DTNB: variants seen among roughly 807,000 people sequenced by gnomAD.
The protein encoded by DTNB is dystrobrevin beta.
A neutral mutation model predicts 90.7 loss-of-function variants in DTNB; 63 were observed. The ratio of observed to expected loss-of-function variants is 0.69; its 90% CI spans 0.57 to 0.86. DTNB has a LOEUF of 0.86. Among genes scored for constraint, DTNB ranks in the 40% least tolerant of loss-of-function variants. DTNB has a pLI of 0.00. For synonymous variants in DTNB, 277 were observed against 286.7 expected (o/e 0.97, Z 0.34); for missense variants, 744 against 807.1 (o/e 0.92, Z 0.95).
intron 12 of DTNB, among the ~76,000 whole-genome samples, chr2:25,446,553 G>A (rs2058456735): frequency 6.6e-6 from 1 of 152,092 alleles, no homozygotes; most frequent in African/African-American, 2.4e-5. Flanking sequence ...ACTGTATCTG[G>A]CTTTGTTTTT....
chr2:25,523,620 G>A (rs1464830141), intron 9 of DTNB, among the ~76,000 whole-genome samples: 18 of 136,458 alleles, frequency 1.3e-4, no homozygotes, highest in East Asian at 1.1e-3. Context: ...CAGCCTGGGC[G>A]ACAGAGCAAG....
At chr2:25,635,779 C>T (rs2076996577) in intron 3 of DTNB, among the ~76,000 whole-genome samples, 1 of 152,142 alleles carries the variant, frequency 6.6e-6, no homozygotes, top group Non-Finnish European at 1.5e-5. Flanking sequence ...GTTAAAAAGA[C>T]AAGACTGTCC....
chr2:25,435,130 C>T (rs2055277029), intron 12 of DTNB, among the ~76,000 whole-genome samples: 1 of 152,298 alleles, frequency 6.6e-6, no homozygotes, highest in East Asian at 1.9e-4. Flanking sequence ...AGCAATTCTC[C>T]TGCCTCAGCC....
At chr2:25,383,712 C>T in intron 19 of DTNB, 124 bp downstream of exon 19, 1 of 1,589,748 alleles carries the variant, frequency 6.3e-7, no homozygotes, top group Non-Finnish European at 8.6e-7. Context: ...GGTACAGGGA[C>T]CTCGGGTCCG....
intron 10 of DTNB, among the ~76,000 whole-genome samples, chr2:25,479,701 C>A (rs2064517306): frequency 6.6e-6 from 1 of 152,176 alleles, no homozygotes; most frequent in Admixed American, 6.5e-5. Context: ...TTTATTTGGA[C>A]TAACAGCATT....
chr2:25,411,887 A>T (rs2046712493), intron 16 of DTNB, among the ~76,000 whole-genome samples: 1 of 152,116 alleles, frequency 6.6e-6, no homozygotes, highest in Non-Finnish European at 1.5e-5. Context: ...TGGGAAGTAG[A>T]CTCAGGCTTC....
intron 10 of DTNB, among the ~76,000 whole-genome samples, chr2:25,463,189 A>G (rs1211092300): frequency 2.0e-5 from 3 of 151,936 alleles, no homozygotes; most frequent in Admixed American, 2.0e-4. Flanking sequence ...TTTCCACCCC[A>G]CCTCCTCACC....
At chr2:25,626,265 C>A (rs1292180332) in intron 4 of DTNB, among the ~76,000 whole-genome samples, 1 of 152,086 alleles carries the variant, frequency 6.6e-6, no homozygotes, top group Non-Finnish European at 1.5e-5. Context: ...TGTTGTGTGA[C>A]CCATGAATTG....
intron 2 of DTNB, among the ~76,000 whole-genome samples, chr2:25,644,067 A>G (rs1309736895): frequency 6.6e-6 from 1 of 152,202 alleles, no homozygotes; most frequent in Non-Finnish European, 1.5e-5. Context: ...TAGATGGTCT[A>G]AAAAGGGGAG....
intron 9 of DTNB, among the ~76,000 whole-genome samples, chr2:25,489,740 T>G (rs914858943): frequency 1.3e-5 from 2 of 151,694 alleles, no homozygotes; most frequent in Non-Finnish European, 2.9e-5. Flanking sequence ...TTTTCTTAGC[T>G]CAAAAGCAAT....
intron 6 of DTNB, among the ~76,000 whole-genome samples, chr2:25,583,001 C>T: frequency 6.6e-6 from 1 of 152,086 alleles, no homozygotes; most frequent in Middle Eastern, 3.2e-3. Context: ...CAACTCACAC[C>T]TGTAATCCCA....
chr2:25,388,176 C>T (rs776062229), intron 17 of DTNB, 26 bp downstream of exon 17: 7 of 1,550,516 alleles, frequency 4.5e-6, no homozygotes, highest in Admixed American at 2.0e-5. Flanking sequence ...TTCAGCTCCC[C>T]GCTGAACTCT....
At chr2:25,416,796 G>GGAAC (rs1207093432) in intron 16 of DTNB, among the ~76,000 whole-genome samples, 2 of 135,590 alleles carry the variant, frequency 1.5e-5, no homozygotes, top group Non-Finnish European at 3.3e-5. Flanking sequence ...AAGGAAGGAA[G>GGAAC]GAAGGAACGA....
rs926576947 is a variant in DTNB at position 25,524,426 on chromosome 2, G to C, written c.1001+7047C>G. Among the ~76,000 whole-genome samples, 8 of 150,008 alleles carry C rather than the reference G, an allele frequency of 5.3e-5. No individual in the cohort carries two copies. The South Asian group carries it at 1.5e-3, about 28-fold the overall frequency. ...CTTTTTTTTTTTTTTTTTTGGTGGG[G>C]GGGGTGGTCTGCTGACTATATTCTT... On this transcript the variant is annotated intron_variant, in intron 9 of 20. Transcript: ENST00000406818.
At chr2:25,529,877 C>A (rs1316853249) in intron 9 of DTNB, among the ~76,000 whole-genome samples, 1 of 152,142 alleles carries the variant, frequency 6.6e-6, no homozygotes, top group Non-Finnish European at 1.5e-5. Flanking sequence ...AGAATAGAAA[C>A]ATTCTCAGCT....
At chr2:25,390,365 T>C (rs1205230790) in intron 16 of DTNB, among the ~76,000 whole-genome samples, 1 of 152,076 alleles carries the variant, frequency 6.6e-6, no homozygotes, top group Non-Finnish European at 1.5e-5. Context: ...ACCCAAACCA[T>C]GATATGTAAA....
chr2:25,560,716 C>A (rs760126324), intron 8 of DTNB, among the ~76,000 whole-genome samples: 1 of 152,230 alleles, frequency 6.6e-6, no homozygotes, highest in African/African-American at 2.4e-5. Flanking sequence ...ATAAATCTCA[C>A]AGACATGCGC....
At chr2:25,442,894 G>A (rs1483835130) in intron 12 of DTNB, among the ~76,000 whole-genome samples, 3 of 152,192 alleles carry the variant, frequency 2.0e-5, no homozygotes, top group African/African-American at 7.2e-5. Flanking sequence ...AGAGGTAATA[G>A]TTCTAAAATA....
At chr2:25,459,282 G>A (rs532857171) in intron 10 of DTNB, among the ~76,000 whole-genome samples, 2 of 151,500 alleles carry the variant, frequency 1.3e-5, no homozygotes, top group East Asian at 3.9e-4. Flanking sequence ...TATCCCACAG[G>A]TCCCAGAGGC....
Sources: gnomAD v4.1 joint callset for allele counts (sites outside exome capture counted in the v4.1 genomes callset) on GRCh38, gnomAD v4.1.1 for gene constraint, MANE v1.5 for transcripts, NCBI Gene and HGNC (gene_info 2026-07-23, HGNC 2026-07-21) for gene names.